Variants in KCNN2 observed in about 807,000 individuals in gnomAD.
KCNN2 encodes potassium calcium-activated channel subfamily N member 2, also known as small conductance calcium-activated potassium channel protein 2.
A neutral mutation model predicts 55.5 loss-of-function variants in KCNN2; 24 were observed. The ratio of observed to expected loss-of-function variants is 0.43; its 90% CI spans 0.31 to 0.61. The LOEUF (loss-of-function observed/expected upper bound fraction) is 0.61, where lower values mean the gene tolerates loss of function less well. Ranked by LOEUF, KCNN2 falls within the 20% of genes least tolerant of loss-of-function variation. KCNN2 has a pLI of 0.08. For missense variants in KCNN2, 754 were observed against 853.6 expected (o/e 0.88, Z 1.45); for synonymous variants, 431 against 336.1 (o/e 1.28, Z -3.09).
chr5:114,165,846 A>G (rs1412316413), intron 1 of KCNN2, among the ~76,000 whole-genome samples: 1 of 152,118 alleles, frequency 6.6e-6, no homozygotes, highest in Admixed American at 6.6e-5. Context: ...TAAGTTTTGG[A>G]GAAGCCAAAA....
At chr5:114,262,743 T>C (rs1755133285) in intron 2 of KCNN2, among the ~76,000 whole-genome samples, 1 of 152,192 alleles carries the variant, frequency 6.6e-6, no homozygotes, top group Admixed American at 6.5e-5. Flanking sequence ...ATACCTTCAG[T>C]AGATAGGATG....
chr5:114,108,860 G>A (rs947088460), intron 1 of KCNN2, among the ~76,000 whole-genome samples: 2 of 152,076 alleles, frequency 1.3e-5, no homozygotes, highest in African/African-American at 4.8e-5. Context: ...GTGGGCATAT[G>A]TATTACTTTC....
At chr5:114,425,809 C>T (rs1402989921) in intron 3 of KCNN2, among the ~76,000 whole-genome samples, 1 of 152,120 alleles carries the variant, frequency 6.6e-6, no homozygotes, top group Admixed American at 6.6e-5. Context: ...CCTGTAATTG[C>T]CTTCCACCTT....
rs555727026 is a variant in KCNN2 at position 114,457,129 on chromosome 5, A to G, written c.1638-5920A>G. Among the ~76,000 whole-genome samples, 12 of 152,342 alleles carry G rather than the reference A, an allele frequency of 7.9e-5. No individual in the cohort carries two copies. The South Asian group carries it at 2.5e-3, about 32-fold the overall frequency. ...TATAGATAAATCTTTCCTGAAAGAA[A>G]GAGTCCATTGATGTGGCAAACTTCA... On this transcript the variant is annotated intron_variant, in intron 3 of 7. Transcript: ENST00000673685.
intron 3 of KCNN2, among the ~76,000 whole-genome samples, chr5:114,458,684 G>A (rs1761047196): frequency 6.6e-6 from 1 of 152,158 alleles, no homozygotes; most frequent in Non-Finnish European, 1.5e-5. Context: ...CCTGTCTTAT[G>A]ACCCAAAGTA....
intron 2 of KCNN2, among the ~76,000 whole-genome samples, chr5:114,288,495 T>TACACAC (rs771115837): frequency 0.1 from 7,732 of 74,928 alleles, 276 homozygotes; most frequent in South Asian, 0.23. Flanking sequence ...TTTATATATA[T>TACACAC]ATATACACAC....
intron 2 of KCNN2, among the ~76,000 whole-genome samples, chr5:114,383,764 G>A (rs1466330578): frequency 6.6e-6 from 1 of 152,138 alleles, no homozygotes; most frequent in Non-Finnish European, 1.5e-5. Context: ...CACCATGCCT[G>A]GCCCACTTAA....
chr5:114,367,664 TA>T, intron 2 of KCNN2, among the ~76,000 whole-genome samples: 1 of 152,016 alleles, frequency 6.6e-6, no homozygotes, highest in African/African-American at 2.4e-5. Flanking sequence ...TTTTTTTTTT[TA>T]CCCCACCCCA....
chr5:114,346,138 G>C (rs1757100524), intron 2 of KCNN2, among the ~76,000 whole-genome samples: 1 of 152,170 alleles, frequency 6.6e-6, no homozygotes, highest in South Asian at 2.1e-4. Context: ...ACATCACATG[G>C]CCAAAGCAGG....
At position 114,404,574 on chromosome 5, in the gene KCNN2, G is replaced by A. The variant is rs1453730945; in HGVS notation, c.1355G>A (p.Arg452Gln). The change falls in exon 3 of 8, where the codon CGG becomes CAG. Residue 452 changes from arginine to glutamine, a missense_variant. Physicochemically the swap from Arg to Gln is conservative, Grantham distance 43. Around this residue, in one of 4 missense-constraint regions of KCNN2, gnomAD observed 123 missense variants for 204.9 expected, o/e 0.60. Coordinates refer to ENST00000673685, the MANE Select transcript of KCNN2 (RefSeq NM_021614.4). ...AATTATACATTCACATGGACGGCCC[G>A]GCTTGCCTTCTCCTATGCCCCATCC... The part of the protein sequence containing the change: ...PGNYTFTWTA[R>Q]LAFSYAPSTT... 1.9e-6 allele frequency: 3 copies of A among 1,613,618 alleles called. No homozygotes were observed. Among genetic ancestry groups the A allele is most frequent in the African/African-American group, 1.3e-5 (1 of 74,858 alleles).
Position 114,450,188 on chromosome 5 carries a change from C to A in KCNN2, c.1638-12861C>A, listed in dbSNP as rs73782243. Among the ~76,000 whole-genome samples, 276 of 152,356 alleles carry A rather than the reference C, an allele frequency of 1.8e-3. 3 individuals are homozygous for A. The highest frequency in any genetic ancestry group is 6.5e-3 in the African/African-American group (269 of 41,598). ...GGGGGCTTCTAAAAATAGAGTCTGC[C>A]AGGCCAGTGTCAACATGCTTTCTCT... On this transcript the variant is annotated intron_variant, in intron 3 of 7. Coordinates refer to ENST00000673685, the MANE Select transcript of KCNN2 (RefSeq NM_021614.4).
At chr5:114,241,594 G>C (rs1205796495) in intron 2 of KCNN2, among the ~76,000 whole-genome samples, 2 of 150,208 alleles carry the variant, frequency 1.3e-5, no homozygotes, top group South Asian at 2.1e-4. Flanking sequence ...ATGTGGAAAA[G>C]AAAAAGCTAA....
intron 1 of KCNN2, among the ~76,000 whole-genome samples, chr5:114,140,370 C>G (rs551064973): frequency 2.0e-5 from 3 of 152,206 alleles, no homozygotes; most frequent in Non-Finnish European, 2.9e-5. Flanking sequence ...GCTTTGCCTT[C>G]TACACCCTGT....
At chr5:114,444,302 T>C (rs544139467) in intron 3 of KCNN2, among the ~76,000 whole-genome samples, 59 of 152,176 alleles carry the variant, frequency 3.9e-4, no homozygotes, top group African/African-American at 1.3e-3. Flanking sequence ...ACATAACCCC[T>C]TCTCAGGAGG....
chr5:114,255,637 T>C (rs4466147), intron 2 of KCNN2, among the ~76,000 whole-genome samples: 43,157 of 152,008 alleles, frequency 0.28, 6,843 homozygotes, highest in East Asian at 0.73. Context: ...AAGGATCAGA[T>C]TTTTGTTATG....
At chr5:114,222,411 A>G (rs1258836299) in intron 2 of KCNN2, among the ~76,000 whole-genome samples, 1 of 152,226 alleles carries the variant, frequency 6.6e-6, no homozygotes, top group African/African-American at 2.4e-5. Flanking sequence ...ATGAATATCA[A>G]AAAATTGAAC....
At chr5:114,171,947 T>A (rs17136340) in intron 1 of KCNN2, among the ~76,000 whole-genome samples, 4,693 of 151,952 alleles carry the variant, frequency 0.031, 255 homozygotes, top group African/African-American at 0.11. Context: ...TCAGGGTGTA[T>A]AGTATGGAGC....
intron 2 of KCNN2, among the ~76,000 whole-genome samples, chr5:114,263,811 C>A (rs777145718): frequency 9.2e-5 from 14 of 152,152 alleles, no homozygotes; most frequent in Non-Finnish European, 1.6e-4. Context: ...CTCACCCCTG[C>A]CTCTCATAAG....
At chr5:114,430,296 T>A (rs1360522654) in intron 3 of KCNN2, among the ~76,000 whole-genome samples, 1 of 152,114 alleles carries the variant, frequency 6.6e-6, no homozygotes, top group East Asian at 1.9e-4. Context: ...ATTTCTTTCC[T>A]CAGTGTTTTG....
Sources: gnomAD v4.1 joint callset for allele counts (sites outside exome capture counted in the v4.1 genomes callset) on GRCh38, gnomAD v4.1.1 for gene constraint, gnomAD v4.1.1 regional missense constraint, MANE v1.5 for transcripts, NCBI Gene and HGNC (gene_info 2026-07-23, HGNC 2026-07-21) for gene names.